ATXN7L1: variants seen among roughly 807,000 people sequenced by gnomAD.
ATXN7L1 encodes ataxin-7-like protein 1.
A neutral mutation model predicts 70.8 loss-of-function variants in ATXN7L1; 15 were observed. The ratio of observed to expected loss-of-function variants is 0.21; its 90% confidence interval spans 0.14 to 0.33. The LOEUF is 0.33. Among genes scored for constraint, ATXN7L1 ranks in the 10% least tolerant of loss-of-function variants. The pLI is 1.00. For synonymous variants in ATXN7L1, 440 were observed against 445.1 expected (o/e 0.99, Z 0.14); for missense variants, 975 against 1,097.1 (o/e 0.89, Z 1.57).
chr7:105,867,982 G>A (rs1002122213), intron 2 of ATXN7L1, among the ~76,000 whole-genome samples: 2 of 152,194 alleles, frequency 1.3e-5, no homozygotes, highest in African/African-American at 4.8e-5. Flanking sequence ...CATCAGTGGT[G>A]CCACTGGTGA....
intron 2 of ATXN7L1, among the ~76,000 whole-genome samples, chr7:105,874,123 C>CA (rs766696244): frequency 0.35 from 24,872 of 71,694 alleles, 3,455 homozygotes; most frequent in South Asian, 0.46. Flanking sequence ...GAATCCGTAT[C>CA]AAAAAAAAAA....
intron 2 of ATXN7L1, among the ~76,000 whole-genome samples, chr7:105,818,982 C>T (rs138907382): frequency 0.02 from 2,986 of 151,568 alleles, 95 homozygotes; most frequent in African/African-American, 0.067. Context: ...TTGATGCACC[C>T]GTCAACTCAT....
intron 3 of ATXN7L1, among the ~76,000 whole-genome samples, chr7:105,742,140 C>A (rs1798083615): frequency 6.6e-6 from 1 of 152,250 alleles, no homozygotes; most frequent in South Asian, 2.1e-4. Context: ...AGAGCCCCAA[C>A]TGTCTCCTTT....
At chr7:105,764,114 AAATT>A (rs779718118) in intron 3 of ATXN7L1, among the ~76,000 whole-genome samples, 64 of 152,230 alleles carry the variant, frequency 4.2e-4, no homozygotes, top group Non-Finnish European at 7.5e-4. Context: ...TCAGCCTTCC[AAATT>A]GCTGAGATTA....
intron 7 of ATXN7L1, among the ~76,000 whole-genome samples, chr7:105,630,893 G>GAAAAAC (rs200442186): frequency 0.029 from 4,453 of 152,096 alleles, 99 homozygotes; most frequent in South Asian, 0.058. Context: ...AGTTCATTAA[G>GAAAAAC]AAAAACAAAA....
intron 2 of ATXN7L1, among the ~76,000 whole-genome samples, chr7:105,821,100 C>T (rs956054270): frequency 1.3e-5 from 2 of 152,260 alleles, no homozygotes; most frequent in East Asian, 1.9e-4. Flanking sequence ...AGTGCGATGG[C>T]GTGATCTCTG....
intron 3 of ATXN7L1, among the ~76,000 whole-genome samples, chr7:105,757,564 G>T (rs1458523968): frequency 5.2e-5 from 6 of 115,904 alleles, no homozygotes; most frequent in Admixed American, 8.9e-5. Context: ...TACCATCCTA[G>T]TCTACCTTTC....
chr7:105,628,937 G>A (rs1306801144), intron 7 of ATXN7L1, among the ~76,000 whole-genome samples: 3 of 10,946 alleles, frequency 2.7e-4, no homozygotes, highest in Non-Finnish European at 1.4e-3. Context: ...CACAGTTACC[G>A]GGTTTTTTTT....
chr7:105,623,308 G>A (rs187493971), intron 8 of ATXN7L1, among the ~76,000 whole-genome samples: 11 of 152,240 alleles, frequency 7.2e-5, no homozygotes, highest in African/African-American at 2.6e-4. Context: ...ACCACCATGG[G>A]GTCCCATGTT....
At chr7:105,759,862 G>GC (rs368183323) in intron 3 of ATXN7L1, among the ~76,000 whole-genome samples, 3,158 of 150,818 alleles carry the variant, frequency 0.021, 106 homozygotes, top group South Asian at 0.09. Flanking sequence ...TTTGATTTCC[G>GC]CCCCCCCCAA....
At chr7:105,721,563 T>C (rs1795187620) in intron 3 of ATXN7L1, among the ~76,000 whole-genome samples, 1 of 152,168 alleles carries the variant, frequency 6.6e-6, no homozygotes, top group Admixed American at 6.5e-5. Context: ...ACATGGGAAG[T>C]AGTCTCCTCC....
intron 3 of ATXN7L1, among the ~76,000 whole-genome samples, chr7:105,717,284 C>T (rs1242865215): frequency 2.0e-5 from 3 of 152,102 alleles, no homozygotes; most frequent in Non-Finnish European, 4.4e-5. Context: ...GACGCCACCA[C>T]GCCTGGCTAA....
Position 105,704,118 on chromosome 7 carries a change from T to C in ATXN7L1, c.356-38830A>G, listed in dbSNP as rs1015633976. 3.3e-5 allele frequency among the ~76,000 whole-genome samples: 5 copies of C among 152,158 alleles called. 1 individual carries two copies. Among genetic ancestry groups the C allele is most frequent in the East Asian group, 1.9e-4 (1 of 5,196 alleles). ...AGAGGCCTATGTGGCCAAACCACTTTAGGTTGGTCCACAACAAACATGCCA... is the reference window on the plus strand; with the variant it reads ...AGAGGCCTATGTGGCCAAACCACTTCAGGTTGGTCCACAACAAACATGCCA... On this transcript the variant is annotated intron_variant, in intron 3 of 11. Transcript: ENST00000419735.
rs1292225893 is a variant in ATXN7L1 at position 105,643,134 on chromosome 7, T to C, written c.579-13A>G. 1 of 1,497,320 alleles carries C rather than the reference T, an allele frequency of 6.7e-7. No individual in the cohort carries two copies. Among genetic ancestry groups the C allele is most frequent in the Non-Finnish European group, 8.9e-7 (1 of 1,119,178 alleles). 92.8% of individuals were successfully genotyped at this position (1,497,320 alleles called of 1,614,324 possible). ...AGGAACTGGAACACTGAAAAATAAA[T>C]GAACAAACACACACAATTGTCTTCT... On this transcript the variant is annotated splice_polypyrimidine_tract_variant and intron_variant, in intron 4 of 11. Coordinates refer to ENST00000419735, the MANE Select transcript of ATXN7L1 (RefSeq NM_020725.2).
chr7:105,700,681 C>CTAT (rs916149892), intron 3 of ATXN7L1, among the ~76,000 whole-genome samples: 41 of 151,834 alleles, frequency 2.7e-4, no homozygotes, highest in African/African-American at 7.0e-4. Flanking sequence ...TGCCTTTGCT[C>CTAT]TATTATTATT....
chr7:105,809,771 TC>T (rs1301955201), intron 2 of ATXN7L1, among the ~76,000 whole-genome samples: 1 of 140,726 alleles, frequency 7.1e-6, no homozygotes, highest in Non-Finnish European at 1.6e-5. Context: ...GGCTCCAGAC[TC>T]CTTTTTTTTT....
At chr7:105,715,699 T>C (rs1326840823) in intron 3 of ATXN7L1, among the ~76,000 whole-genome samples, 1 of 152,224 alleles carries the variant, frequency 6.6e-6, no homozygotes, top group African/African-American at 2.4e-5. Flanking sequence ...TTCTCATCTC[T>C]GTGACTCAAC....
intron 3 of ATXN7L1, among the ~76,000 whole-genome samples, chr7:105,779,293 G>A (rs1803200519): frequency 6.6e-6 from 1 of 152,194 alleles, no homozygotes; most frequent in African/African-American, 2.4e-5. Context: ...ACATTAAAAT[G>A]TTTAGCACAT....
intron 4 of ATXN7L1, among the ~76,000 whole-genome samples, chr7:105,657,576 C>A (rs959743259): frequency 1.3e-5 from 2 of 151,350 alleles, no homozygotes; most frequent in African/African-American, 4.9e-5. Context: ...GTGTGCCTGT[C>A]GTCCCAGCTA....
Sources: gnomAD v4.1 joint callset for allele counts (sites outside exome capture counted in the v4.1 genomes callset) on GRCh38, gnomAD v4.1.1 for gene constraint, MANE v1.5 for transcripts, NCBI Gene and HGNC (gene_info 2026-07-23, HGNC 2026-07-21) for gene names.